The following HS3ST4 variants were observed in gnomAD, a reference collection of about 807,000 sequenced individuals.
HS3ST4 encodes the protein heparan sulfate glucosamine 3-O-sulfotransferase 4.
Under a neutral mutation model 29.2 loss-of-function variants are expected in HS3ST4, and 17 were observed. The ratio of observed to expected loss-of-function variants is 0.58; its 90% CI spans 0.40 to 0.87. The LOEUF is 0.87. Among genes scored for constraint, HS3ST4 ranks in the 40% least tolerant of loss-of-function variants. HS3ST4 has a pLI of 0.00. For synonymous variants in HS3ST4, 314 were observed against 285.7 expected, an observed-to-expected ratio of 1.10 and a Z score of -1.00; for missense variants, 627 against 634.5, an observed-to-expected ratio of 0.99 and a Z score of 0.13.
intron 1 of HS3ST4, among the ~76,000 whole-genome samples, chr16:25,928,942 GGAGA>G (rs1968437123): frequency 1.3e-5 from 2 of 152,190 alleles, no homozygotes; most frequent in South Asian, 4.1e-4. Context: ...ATGGGAACTG[GGAGA>G]GAGCATTTAG....
chr16:25,772,631 A>G (rs572412273), intron 1 of HS3ST4, among the ~76,000 whole-genome samples: 3 of 152,334 alleles, frequency 2.0e-5, no homozygotes, highest in East Asian at 3.8e-4. Flanking sequence ...CAACTGAAAC[A>G]TGGAAATACA....
chr16:25,984,529 G>T (rs937584163), intron 1 of HS3ST4, among the ~76,000 whole-genome samples: 3 of 152,138 alleles, frequency 2.0e-5, no homozygotes, highest in Non-Finnish European at 2.9e-5. Flanking sequence ...TGGGGGTTTG[G>T]CACCCCTGCT....
chr16:25,932,475 A>AT (rs985600533), intron 1 of HS3ST4, among the ~76,000 whole-genome samples: 22 of 151,786 alleles, frequency 1.4e-4, no homozygotes, highest in African/African-American at 2.4e-5. Flanking sequence ...GGTAACTGCC[A>AT]TTTTTTTTGC....
Position 25,810,830 on chromosome 16 carries a change from T to A in HS3ST4, c.734+117679T>A, listed in dbSNP as rs572222411. ...AAATTATGCATCACATAGTTTTCAA[T>A]TAAATGTCCTTATTTCCTCATTTAT... On this transcript the variant is annotated intron_variant, in intron 1 of 1. Transcript: ENST00000331351. Among the ~76,000 whole-genome samples, 199 of 152,358 alleles carry A rather than the reference T, an allele frequency of 1.3e-3. 1 individual carries two copies. The highest frequency in any genetic ancestry group is 2.3e-3 in the Non-Finnish European group (157 of 68,030).
intron 1 of HS3ST4, among the ~76,000 whole-genome samples, chr16:25,823,163 G>A (rs1967180047): frequency 6.6e-6 from 1 of 152,166 alleles, no homozygotes; most frequent in Admixed American, 6.5e-5. Flanking sequence ...AGAAATATGT[G>A]CCAAGTGGCC....
intron 1 of HS3ST4, among the ~76,000 whole-genome samples, chr16:25,711,656 GC>G (rs764853284): frequency 1.3e-5 from 2 of 152,170 alleles, no homozygotes; most frequent in Non-Finnish European, 2.9e-5. Context: ...GTAGAACTTA[GC>G]TAGAATTTTA....
rs111807704 is a variant in HS3ST4 at position 26,055,351 on chromosome 16, T to G, written c.735-80261T>G. ...AAGGAGATGATATTTGTAAAGTACT[T>G]TACTTTGCCTAGCTCACAGCAGGAA... is the stretch of plus-strand genomic sequence containing the variant. On this transcript the variant is annotated intron_variant, in intron 1 of 1. Transcript: ENST00000331351. Among the ~76,000 whole-genome samples, 266 of 152,210 alleles carry G rather than the reference T, an allele frequency of 1.7e-3. 2 individuals carry two copies. Among genetic ancestry groups the G allele is most frequent in the Non-Finnish European group, 3.3e-3 (225 of 68,002 alleles).
intron 1 of HS3ST4, among the ~76,000 whole-genome samples, chr16:25,973,939 C>T (rs1968919456): frequency 6.6e-6 from 1 of 152,134 alleles, no homozygotes; most frequent in African/African-American, 2.4e-5. Flanking sequence ...TGGCCCCTCT[C>T]CCTCTGCAAA....
intron 1 of HS3ST4, among the ~76,000 whole-genome samples, chr16:26,114,535 C>G (rs1225503250): frequency 6.6e-6 from 1 of 152,050 alleles, no homozygotes; most frequent in Non-Finnish European, 1.5e-5. Context: ...CATGGTCTAG[C>G]AGGGAAGGAA....
In HS3ST4 at chr16:25,692,432, C is replaced by T. The variant is rs745779024; in HGVS notation, c.15C>T (p.Pro5=). 3.5e-6 allele frequency: 4 copies of T among 1,155,746 alleles called. 1 individual carries two copies. The highest frequency in any genetic ancestry group is 1.1e-6 in the Non-Finnish European group (1 of 927,526). 71.6% of individuals were successfully genotyped at this position (1,155,746 alleles called of 1,614,324 possible). The change falls in exon 1 of 2, where the codon CCC becomes CCT. Residue 5 remains proline (P), a synonymous_variant. Transcript: ENST00000331351. MARW[P]APPPPPPPPP... The stretch of plus-strand genomic sequence containing the variant: ...CGGGAGCCGCGATGGCCCGGTGGCC[C>T]GCACCTCCTCCGCCTCCGCCTCCGC...
At chr16:25,799,629 C>T (rs1966911815) in intron 1 of HS3ST4, among the ~76,000 whole-genome samples, 1 of 152,138 alleles carries the variant, frequency 6.6e-6, no homozygotes, top group Non-Finnish European at 1.5e-5. Flanking sequence ...ACAAGCTGGC[C>T]TCACTACTCA....
At chr16:25,831,608 AT>A (rs1300276678) in intron 1 of HS3ST4, among the ~76,000 whole-genome samples, 1 of 151,954 alleles carries the variant, frequency 6.6e-6, no homozygotes, top group East Asian at 1.9e-4. Context: ...AAAAATAAAA[AT>A]AAAGATAAAA....
At chr16:25,998,479 A>C (rs565085148) in intron 1 of HS3ST4, among the ~76,000 whole-genome samples, 15 of 152,310 alleles carry the variant, frequency 9.8e-5, no homozygotes, top group Admixed American at 2.0e-4. Context: ...CACAGGTGTG[A>C]CTACTTTCCT....
chr16:25,973,759 C>A (rs1968918076), intron 1 of HS3ST4, among the ~76,000 whole-genome samples: 1 of 152,168 alleles, frequency 6.6e-6, no homozygotes, highest in Non-Finnish European at 1.5e-5. Context: ...TTTTAAAGAA[C>A]TTAACAGTTT....
intron 1 of HS3ST4, among the ~76,000 whole-genome samples, chr16:25,758,856 T>G (rs1287941496): frequency 6.6e-6 from 1 of 152,016 alleles, no homozygotes; most frequent in African/African-American, 2.4e-5. Context: ...CTCGGGAGGC[T>G]GAGGCATGAG....
chr16:25,839,242 A>G (rs924835277), intron 1 of HS3ST4, among the ~76,000 whole-genome samples: 2 of 152,206 alleles, frequency 1.3e-5, no homozygotes, highest in African/African-American at 4.8e-5. Context: ...TTATTTATGT[A>G]GCTGTTTGGG....
intron 1 of HS3ST4, among the ~76,000 whole-genome samples, chr16:25,923,124 G>A (rs1204389577): frequency 6.6e-5 from 10 of 152,098 alleles, no homozygotes; most frequent in African/African-American, 2.4e-4. Flanking sequence ...TCCATTTTTA[G>A]CCATTGTTGT....
chr16:25,956,093 G>T (rs968026439), intron 1 of HS3ST4, among the ~76,000 whole-genome samples: 5 of 152,092 alleles, frequency 3.3e-5, no homozygotes, highest in Admixed American at 2.6e-4. Context: ...TGGGATTACG[G>T]GTGTGAGCCA....
In HS3ST4 at chr16:26,051,642, T is replaced by C. The variant is rs1338032580; in HGVS notation, c.735-83970T>C. 3.3e-5 allele frequency among the ~76,000 whole-genome samples: 5 copies of C among 152,128 alleles called. No homozygotes were observed. The East Asian group carries it at 9.7e-4, about 30-fold the overall frequency. ...TGTTCACGCAAGGATTTCATGCAGC[T>C]GCGGAGGGCCCCACCACTCTCCCTC... On this transcript the variant is annotated intron_variant, in intron 1 of 1. Transcript: ENST00000331351.
Sources: gnomAD v4.1 joint callset for allele counts (sites outside exome capture counted in the v4.1 genomes callset) on GRCh38, gnomAD v4.1.1 for gene constraint, MANE v1.5 for transcripts, NCBI Gene and HGNC (gene_info 2026-07-23, HGNC 2026-07-21) for gene names.